IQCM: variants seen among roughly 807,000 people sequenced by gnomAD.
IQCM encodes the protein IQ motif containing M, also known as IQ domain-containing protein M.
Under a neutral mutation model 57.6 loss-of-function variants are expected in IQCM, and 45 were observed. That is an observed-to-expected ratio of 0.78 (90% CI 0.62 to 1.00). The LOEUF (loss-of-function observed/expected upper bound fraction) is 1.00, where lower values mean the gene tolerates loss of function less well. Among genes scored for constraint, IQCM ranks in the 50% least tolerant of loss-of-function variants. The probability of loss-of-function intolerance (pLI) is 0.00; values close to 1 mark genes in which losing one functional copy is unlikely to be tolerated. For missense variants in IQCM, 468 were observed against 511.6 expected (o/e 0.91, Z 0.82); for synonymous variants, 148 against 158.9 (o/e 0.93, Z 0.51).
intron 7 of IQCM, among the ~76,000 whole-genome samples, chr4:149,648,474 G>C (rs1229229707): frequency 6.6e-6 from 1 of 152,144 alleles, no homozygotes; most frequent in Non-Finnish European, 1.5e-5. Flanking sequence ...CCAAGTCTTT[G>C]TTATTGTGAA....
At chr4:149,481,004 T>G (rs1185086208) in intron 12 of IQCM, among the ~76,000 whole-genome samples, 1 of 152,148 alleles carries the variant, frequency 6.6e-6, no homozygotes, top group Non-Finnish European at 1.5e-5. Context: ...TCTCTGATGA[T>G]CAGTGGTATT....
intron 13 of IQCM, among the ~76,000 whole-genome samples, chr4:149,408,749 T>G (rs1179271446): frequency 1.3e-5 from 2 of 152,158 alleles, no homozygotes; most frequent in African/African-American, 4.8e-5. Context: ...TTCTTTTTCT[T>G]TTTTTAGATA....
chr4:149,376,076 G>T (rs901399275), intron 13 of IQCM, among the ~76,000 whole-genome samples: 3 of 152,028 alleles, frequency 2.0e-5, no homozygotes, highest in Non-Finnish European at 4.4e-5. Flanking sequence ...GAAGAATCAG[G>T]TGAAAAACAT....
At chr4:149,380,854 T>C (rs1372711451) in intron 13 of IQCM, among the ~76,000 whole-genome samples, 1 of 152,206 alleles carries the variant, frequency 6.6e-6, no homozygotes, top group East Asian at 1.9e-4. Context: ...TGTTCTCAAA[T>C]GAATACCACT....
intron 12 of IQCM, among the ~76,000 whole-genome samples, chr4:149,499,018 C>T (rs1481069059): frequency 1.3e-5 from 2 of 152,122 alleles, no homozygotes; most frequent in Non-Finnish European, 1.5e-5. Flanking sequence ...CCACCAAGTT[C>T]AAATTGTTCA....
intron 7 of IQCM, among the ~76,000 whole-genome samples, chr4:149,667,016 C>T (rs1010342025): frequency 2.0e-5 from 3 of 152,146 alleles, no homozygotes; most frequent in East Asian, 1.9e-4. Flanking sequence ...CAGACTTAAA[C>T]GTCCCTGCCT....
At chr4:149,513,422 G>GA (rs922374997) in intron 12 of IQCM, among the ~76,000 whole-genome samples, 11 of 151,124 alleles carry the variant, frequency 7.3e-5, no homozygotes, top group Admixed American at 4.6e-4. Flanking sequence ...AATGTTAAAT[G>GA]AAAAAAAAGA....
intron 8 of IQCM, among the ~76,000 whole-genome samples, chr4:149,607,421 G>A (rs1299974703): frequency 6.6e-6 from 1 of 151,968 alleles, no homozygotes; most frequent in Non-Finnish European, 1.5e-5. Flanking sequence ...AAAAAAAAGA[G>A]GTTAGTGAGC....
chr4:149,694,451 T>C (rs1244007407), intron 5 of IQCM, among the ~76,000 whole-genome samples: 1 of 152,022 alleles, frequency 6.6e-6, no homozygotes, highest in Non-Finnish European at 1.5e-5. Context: ...TCTCGGATAC[T>C]TTCTCAGATA....
chr4:149,382,705 C>T (rs536947946), intron 13 of IQCM, among the ~76,000 whole-genome samples: 5 of 151,976 alleles, frequency 3.3e-5, no homozygotes, highest in African/African-American at 9.7e-5. Flanking sequence ...AACCTCCTGC[C>T]GAATAGAAGG....
intron 13 of IQCM, among the ~76,000 whole-genome samples, chr4:149,353,959 A>G (rs568889848): frequency 6.6e-6 from 1 of 152,330 alleles, no homozygotes; most frequent in South Asian, 2.1e-4. Flanking sequence ...AACGGGAATG[A>G]TGTGAGATGA....
intron 12 of IQCM, among the ~76,000 whole-genome samples, chr4:149,441,541 A>G (rs1329529663): frequency 6.6e-6 from 1 of 152,092 alleles, no homozygotes; most frequent in Non-Finnish European, 1.5e-5. Context: ...TTTCATGAAA[A>G]GTAGCATGGG....
chr4:149,759,114 A>G (rs992225949), intron 2 of IQCM, among the ~76,000 whole-genome samples: 2 of 152,202 alleles, frequency 1.3e-5, no homozygotes, highest in African/African-American at 4.8e-5. Context: ...CCATGAAAAG[A>G]CATGGAAGAA....
chr4:149,466,212 C>T (rs1049027555), intron 12 of IQCM, among the ~76,000 whole-genome samples: 3 of 152,216 alleles, frequency 2.0e-5, no homozygotes, highest in African/African-American at 4.8e-5. Flanking sequence ...TGTCCAGCCT[C>T]TTCCAACTAG....
At chr4:149,669,484 G>C (rs1316492675) in intron 7 of IQCM, among the ~76,000 whole-genome samples, 2 of 152,124 alleles carry the variant, frequency 1.3e-5, no homozygotes, top group African/African-American at 4.8e-5. Flanking sequence ...AGTTTAATTA[G>C]ATCCCATTTG....
chr4:149,471,115 G>C (rs1009152258), intron 12 of IQCM, among the ~76,000 whole-genome samples: 7 of 152,056 alleles, frequency 4.6e-5, no homozygotes, highest in Admixed American at 4.6e-4. Flanking sequence ...AAATAACTAA[G>C]ATCAGAGCAG....
intron 2 of IQCM, among the ~76,000 whole-genome samples, chr4:149,799,581 A>G (rs997024843): frequency 1.3e-5 from 2 of 151,762 alleles, no homozygotes; most frequent in Non-Finnish European, 1.5e-5. Context: ...AAAATGACCA[A>G]CCTTTAGCTA....
chr4:149,668,624 A>T (rs908335310), intron 7 of IQCM, among the ~76,000 whole-genome samples: 2 of 152,196 alleles, frequency 1.3e-5, no homozygotes, highest in African/African-American at 4.8e-5. Context: ...AAACCTGCAC[A>T]TTCTGCACGT....
intron 2 of IQCM, among the ~76,000 whole-genome samples, chr4:149,760,023 G>GAAGGAAGGA (rs10657418): frequency 2.0e-5 from 3 of 150,612 alleles, no homozygotes; most frequent in African/African-American, 4.9e-5. Flanking sequence ...AGGAAGGAAG[G>GAAGGAAGGA]AAGGGAAGGG....
Sources: allele counts gnomAD v4.1 joint callset (sites outside exome capture counted in the v4.1 genomes callset), GRCh38; gene constraint gnomAD v4.1.1; transcripts MANE v1.5; gene names NCBI Gene and HGNC (gene_info 2026-07-23, HGNC 2026-07-21).